HBS1L: variants seen among roughly 807,000 people sequenced by gnomAD.
The protein encoded by HBS1L is HBS1 like translational GTPase.
In HBS1L, 55 loss-of-function variants were observed where a neutral mutation model predicts 88.9. The observed-to-expected ratio is 0.62, with a 90% CI of 0.50 to 0.77. The LOEUF (loss-of-function observed/expected upper bound fraction) is 0.77. Among genes scored for constraint, HBS1L ranks in the 30% least tolerant of loss-of-function variants. The probability of loss-of-function intolerance (pLI) is 0.00; values close to 1 mark genes in which losing one functional copy is unlikely to be tolerated. For missense variants in HBS1L, 741 were observed against 829.3 expected (o/e 0.89, Z 1.31); for synonymous variants, 267 against 288.5 (o/e 0.93, Z 0.76).
chr6:135,042,110 A>G lies in HBS1L; in HGVS notation c.126T>C (p.Tyr42=), dbSNP rs1206180635. The G allele has an allele frequency of 9.3e-6, 15 of 1,612,938 alleles. 1 individual carries two copies. The highest frequency in any genetic ancestry group is 5.3e-5 in the African/African-American group (4 of 74,912). Residue 42 remains tyrosine (Y), a synonymous_variant, in exon 3 of 18, where the codon TAT becomes TAC. Transcript: ENST00000367837. ...ISPSTAAQFI[Y]SRRDKPSVEP... ...CAACGGAAGGTTTGTCACGCCGTGA[A>G]TAAATAAACTGAGCAGCTAGAATAT...
chr6:135,025,584 G>C (rs188486015), intron 4 of HBS1L, among the ~76,000 whole-genome samples: 3 of 152,100 alleles, frequency 2.0e-5, no homozygotes, highest in South Asian at 2.1e-4. Flanking sequence ...AAGGTGGTCC[G>C]AGCTCAGTCA....
intron 5 of HBS1L, among the ~76,000 whole-genome samples, chr6:134,999,160 A>G (rs1392147695): frequency 1.3e-5 from 2 of 152,164 alleles, no homozygotes; most frequent in South Asian, 4.1e-4. Flanking sequence ...CTCGGGCCCC[A>G]GATCTTTTTG....
intron 15 of HBS1L, among the ~76,000 whole-genome samples, chr6:134,974,641 A>G (rs1056962852): frequency 7.3e-5 from 9 of 122,768 alleles, no homozygotes; most frequent in African/African-American, 2.2e-4. Flanking sequence ...CCACTGAAAC[A>G]ATTAAAAGCA....
intron 2 of HBS1L, among the ~76,000 whole-genome samples, chr6:135,049,862 G>A (rs1172999356): frequency 1.3e-5 from 2 of 152,224 alleles, no homozygotes; most frequent in East Asian, 1.9e-4. Flanking sequence ...GTGAGCCATC[G>A]TACCTGGCCT....
At chr6:135,037,373 T>C in intron 4 of HBS1L, 2 of 1,551,512 alleles carry the variant, frequency 1.3e-6, no homozygotes, top group Non-Finnish European at 8.7e-7. Context: ...TTATCATTTT[T>C]AAAAGTGTGA....
At chr6:135,031,407 C>T (rs992331335) in intron 4 of HBS1L, among the ~76,000 whole-genome samples, 1 of 151,858 alleles carries the variant, frequency 6.6e-6, no homozygotes, top group African/African-American at 2.4e-5. Flanking sequence ...TAACAAGAGT[C>T]GACTATATAT....
chr6:135,047,998 A>G (rs770044082), intron 2 of HBS1L, among the ~76,000 whole-genome samples: 12 of 152,206 alleles, frequency 7.9e-5, no homozygotes, highest in Non-Finnish European at 1.8e-4. Flanking sequence ...AAGGAGCTAT[A>G]AAGGAATGCT....
chr6:135,041,796 T>C (rs981306080), intron 3 of HBS1L, among the ~76,000 whole-genome samples: 3 of 152,268 alleles, frequency 2.0e-5, no homozygotes, highest in East Asian at 1.9e-4. Flanking sequence ...TACTAAACAA[T>C]AGCCATACAA....
intron 1 of HBS1L, among the ~76,000 whole-genome samples, chr6:135,053,586 T>C (rs1211351893): frequency 1.3e-5 from 2 of 152,190 alleles, no homozygotes; most frequent in South Asian, 4.1e-4. Flanking sequence ...ACCAGAAAAT[T>C]CACATGTTCT....
At chr6:134,991,977 A>G (rs889157110) in intron 8 of HBS1L, among the ~76,000 whole-genome samples, 1 of 152,154 alleles carries the variant, frequency 6.6e-6, no homozygotes, top group African/African-American at 2.4e-5. Context: ...CTGGGGTGAG[A>G]GGATCCCTTG....
Position 135,040,344 on chromosome 6 carries a change from C to CTTTTTT in HBS1L, c.236-583_236-578dup, listed in dbSNP as rs71006751. On this transcript the variant is annotated intron_variant, in intron 3 of 17. Coordinates refer to ENST00000367837, the MANE Select transcript of HBS1L (RefSeq NM_006620.4). Reference sequence around the variant, plus strand: ...GGAGATTAAGGGGAGGATAGGCATTCTTTTTTTTTTTTTTTTTTTTTTTTG... The same window carrying CTTTTTT: ...GGAGATTAAGGGGAGGATAGGCATTCTTTTTTTTTTTTTTTTTTTTTTTTTTTTTTG... Among the ~76,000 whole-genome samples, 512 of 110,000 alleles carry CTTTTTT rather than the reference C, an allele frequency of 4.7e-3. 25 individuals are homozygous for CTTTTTT. Among genetic ancestry groups the CTTTTTT allele is most frequent in the African/African-American group, 0.017 (467 of 28,024 alleles). 72.2% of individuals were successfully genotyped at this position (110,000 alleles called of 152,430 possible).
chr6:135,009,720 G>A (rs371989188), intron 4 of HBS1L, among the ~76,000 whole-genome samples: 5 of 151,768 alleles, frequency 3.3e-5, no homozygotes, highest in Admixed American at 2.6e-4. Flanking sequence ...TGCAAGCTCC[G>A]CCTCCTGGGT....
At chr6:135,044,780 C>T (rs1776858002) in intron 2 of HBS1L, among the ~76,000 whole-genome samples, 1 of 152,118 alleles carries the variant, frequency 6.6e-6, no homozygotes, top group Non-Finnish European at 1.5e-5. Flanking sequence ...ACTTCTCCTC[C>T]TACCCATGAA....
At chr6:134,977,367 C>T (rs567094389) in intron 15 of HBS1L, among the ~76,000 whole-genome samples, 2 of 152,118 alleles carry the variant, frequency 1.3e-5, no homozygotes, top group East Asian at 1.9e-4. Context: ...CCCTCCTTTG[C>T]CTCATAGGAC....
Position 134,999,109 on chromosome 6 carries a change from C to T in HBS1L, c.540-1453G>A, listed in dbSNP as rs542784417. ...ATACAAGTGATCTACTGTGACTAGA[C>T]ATAGGCTCTGGTCTGAATCAGACCT... On this transcript the variant is annotated intron_variant, in intron 5 of 17. Transcript: ENST00000367837. Among the ~76,000 whole-genome samples, 343 of 152,316 alleles carry T rather than the reference C, an allele frequency of 2.3e-3. 2 individuals carry two copies. Among genetic ancestry groups the T allele is most frequent in the Non-Finnish European group, 3.4e-3 (233 of 68,024 alleles).
In HBS1L at chr6:134,978,779, C is replaced by T. The variant is rs566791217; in HGVS notation, c.1697G>A (p.Cys566Tyr). ...GMDIIKINVGCIFCGPKVPIK... is the reference protein window; with the variant it reads ...GMDIIKINVGYIFCGPKVPIK... ...GGGTACTTTGGGGCCACAAAATATG[C>T]AGCCAACACTGTAAGAACAACAAAA... Residue 566 changes from cysteine to tyrosine, a missense_variant, in exon 15 of 18, where the codon TGC becomes TAC. Cys to Tyr is a radical substitution (Grantham distance 194). Coordinates refer to ENST00000367837, the MANE Select transcript of HBS1L (RefSeq NM_006620.4). 5.3e-5 allele frequency: 84 copies of T among 1,595,514 alleles called. No individual in the cohort carries two copies. The South Asian group carries it at 8.6e-4, about 16-fold the overall frequency.
At chr6:135,050,508 C>T (rs1032765289) in intron 2 of HBS1L, 74 bp downstream of exon 2, 2 of 904,382 alleles carry the variant, frequency 2.2e-6, no homozygotes, top group African/African-American at 3.4e-5. Flanking sequence ...ACAGAACACT[C>T]CAGTCCTTGA....
chr6:134,966,474 C>CTGAGG lies in HBS1L; in HGVS notation c.1899-2_1899-1insCCTCA. The CTGAGG allele has an allele frequency of 6.4e-7, 1 of 1,561,834 alleles. No individual in the cohort carries two copies. The highest frequency in any genetic ancestry group is 8.6e-7 in the Non-Finnish European group (1 of 1,156,752). ...TGCATTCTGGCCTTTAGTCAAAAAC[C>CTGAGG]TATTAAGAAAAAAAAAGAACAAATG... On this transcript the variant is annotated splice_acceptor_variant, in intron 16 of 17. Coordinates refer to ENST00000367837, the MANE Select transcript of HBS1L (RefSeq NM_006620.4). LOFTEE classifies it high-confidence loss of function.
At chr6:134,965,379 T>G (rs1028634175) in intron 17 of HBS1L, 89 bp from the exon 18 acceptor site, 1 of 872,166 alleles carries the variant, frequency 1.1e-6, no homozygotes, top group Admixed American at 2.5e-5. Flanking sequence ...GTGAAAGAAT[T>G]ATTATATCAA....
Sources: allele counts gnomAD v4.1 joint callset (sites outside exome capture counted in the v4.1 genomes callset), GRCh38; gene constraint gnomAD v4.1.1; transcripts MANE v1.5; gene names NCBI Gene and HGNC (gene_info 2026-07-23, HGNC 2026-07-21).